MYRF: variants seen among roughly 807,000 people sequenced by gnomAD.
MYRF encodes the protein myelin regulatory factor, also known as myelin gene regulatory factor.
Under a neutral mutation model 126.3 loss-of-function variants are expected in MYRF, and 16 were observed. The ratio of observed to expected loss-of-function variants is 0.13; its 90% CI spans 0.09 to 0.19. The LOEUF is 0.19. Among genes scored for constraint, MYRF ranks in the 10% least tolerant of loss-of-function variants. The probability of loss-of-function intolerance (pLI) is 1.00; values close to 1 mark genes in which losing one functional copy is unlikely to be tolerated. For missense variants in MYRF, 1,104 were observed against 1,547.0 expected, an observed-to-expected ratio of 0.71 and a Z score of 4.80; for synonymous variants, 608 against 635.3, an observed-to-expected ratio of 0.96 and a Z score of 0.65.
chr11:61,753,893 C>G (rs1176565508), intron 1 of MYRF: 1 of 152,432 alleles, frequency 6.6e-6, no homozygotes, highest in Non-Finnish European at 1.5e-5. Flanking sequence ...TCCCAGCCCA[C>G]TCCGCTTCTC....
At chr11:61,758,509 G>T (rs956314194) in intron 1 of MYRF, among the ~76,000 whole-genome samples, 2 of 152,192 alleles carry the variant, frequency 1.3e-5, no homozygotes, top group African/African-American at 4.8e-5. Context: ...GGAAGAAGAG[G>T]AGGTGGGAGC....
Position 61,773,991 on chromosome 11 carries a change from T to C in MYRF, c.1140T>C (p.Asp380=), listed in dbSNP as rs779662644. The change falls in exon 8 of 27, where the codon GAT becomes GAC. Residue 380 remains aspartate (D), a synonymous_variant. Coordinates refer to ENST00000278836, the MANE Select transcript of MYRF (RefSeq NM_001127392.3). The part of the protein sequence containing the change: ...KELPMLTYRV[D]ADKGFNFSVG... Reference sequence around the variant, plus strand: ...GGCCCATGCTCACCTACCGCGTGGATGCGGACAAGGGCTTCAACTTTTCGG... The same window carrying C: ...GGCCCATGCTCACCTACCGCGTGGACGCGGACAAGGGCTTCAACTTTTCGG... 18 of 1,612,522 alleles carry C rather than the reference T, an allele frequency of 1.1e-5. No homozygotes were observed. The highest frequency in any genetic ancestry group is 1.4e-5 in the Non-Finnish European group (16 of 1,179,762).
intron 21 of MYRF, 101 bp from the exon 22 acceptor site, chr11:61,781,471 AG>A (rs2066545392): frequency 1.3e-6 from 2 of 1,543,166 alleles, no homozygotes; most frequent in Non-Finnish European, 1.7e-6. Context: ...GAGAGGACCA[AG>A]AGACACATGG....
intron 3 of MYRF, chr11:61,767,464 A>G: frequency 2.2e-6 from 1 of 456,296 alleles, no homozygotes; most frequent in South Asian, 1.5e-5. Context: ...AGAGCCACAC[A>G]GGGACTCTGT....
Position 61,752,766 on chromosome 11 carries a change from G to A in MYRF, c.22G>A (p.Glu8Lys). Residue 8 changes from glutamate (E) to lysine (K), a missense_variant, in exon 1 of 27, where the codon GAG becomes AAG. Glu to Lys is a moderately conservative substitution (Grantham distance 56, BLOSUM62 1). Coordinates refer to ENST00000278836, the MANE Select transcript of MYRF (RefSeq NM_001127392.3). MEVVDET[E>K]ALQRFFEGHD... ...GGACATGGAGGTGGTGGACGAGACGGAGGCGCTGCAGCGCTTCTTCGAAGG... is the reference window on the plus strand; with the variant it reads ...GGACATGGAGGTGGTGGACGAGACGAAGGCGCTGCAGCGCTTCTTCGAAGG... The A allele has an allele frequency of 6.7e-7, 1 of 1,485,220 alleles. No homozygotes were observed. Among genetic ancestry groups the A allele is most frequent in the Non-Finnish European group, 8.9e-7 (1 of 1,122,994 alleles). The allele number at this position is 1,485,220 out of a possible 1,614,324, so 92.0% of individuals were successfully genotyped here.
chr11:61,761,898 C>T (rs1281765242), intron 1 of MYRF, among the ~76,000 whole-genome samples: 1 of 152,212 alleles, frequency 6.6e-6, no homozygotes. Flanking sequence ...ACAGAGTGGC[C>T]ACTGGGCGAG....
intron 1 of MYRF, among the ~76,000 whole-genome samples, chr11:61,761,247 G>A (rs941652880): frequency 4.6e-5 from 6 of 129,066 alleles, no homozygotes; most frequent in Admixed American, 1.7e-4. Flanking sequence ...CTCAGCCAAC[G>A]GCCACAGCTG....
intron 1 of MYRF, among the ~76,000 whole-genome samples, chr11:61,756,234 G>A (rs371568457): frequency 1.3e-5 from 2 of 152,264 alleles, no homozygotes; most frequent in African/African-American, 4.8e-5. Flanking sequence ...TCAGAGAGAA[G>A]GGAGTTGGCC....
intron 22 of MYRF, chr11:61,782,065 A>T: frequency 2.1e-6 from 1 of 486,200 alleles, no homozygotes. Context: ...AAGAAATGGG[A>T]TGGAGACTAA....
intron 3 of MYRF, chr11:61,768,889 A>C: frequency 5.1e-6 from 1 of 197,104 alleles, no homozygotes. Flanking sequence ...CCAGCCCCCT[A>C]GGGCCCTGTG....
chr11:61,770,345 G>GCCCCCCCCCCCCCC lies in MYRF; in HGVS notation c.566_567insCCCCCCCCCCCCCC (p.Pro194ArgfsTer19). The GCCCCCCCCCCCCCC allele has an allele frequency of 2.7e-6, 4 of 1,504,826 alleles. No individual in the cohort carries two copies. The highest frequency in any genetic ancestry group is 2.5e-5 in the East Asian group (1 of 40,690). The allele number at this position is 1,504,826 out of a possible 1,614,324, so 93.2% of individuals were successfully genotyped here. ...CCCCCACCTCCAGCCCACTTGCCAG[G>GCCCCCCCCCCCCCC]CCCCCCGCCACCCCCACCACCCCCA... is the stretch of plus-strand genomic sequence containing the variant. On this transcript the variant is annotated frameshift_variant, in exon 5 of 27. Transcript: ENST00000278836. LOFTEE classifies it high-confidence loss of function.
intron 8 of MYRF, among the ~76,000 whole-genome samples, chr11:61,774,801 TTGCCTCCC>T (rs1591113213): frequency 1.3e-5 from 2 of 150,464 alleles, no homozygotes; most frequent in East Asian, 3.9e-4. Context: ...CTGTGCCTCC[TTGCCTCCC>T]TGCCTCCCTC....
At chr11:61,765,055 C>T (rs924556923) in intron 1 of MYRF, among the ~76,000 whole-genome samples, 2 of 152,218 alleles carry the variant, frequency 1.3e-5, no homozygotes, top group African/African-American at 4.8e-5. Flanking sequence ...CAGGAGACTC[C>T]CACAGCCCTG....
chr11:61,782,895 C>T (rs2066590843), intron 22 of MYRF: 2 of 152,552 alleles, frequency 1.3e-5, no homozygotes, highest in South Asian at 2.1e-4. Flanking sequence ...TGTTCAGCGG[C>T]CCCAGCTTCC....
chr11:61,783,999 C>A lies in MYRF; in HGVS notation c.3194+74C>A. On this transcript the variant is annotated intron_variant, in intron 24 of 26. Coordinates refer to ENST00000278836, the MANE Select transcript of MYRF (RefSeq NM_001127392.3). The surrounding 1 kb of genome is among the most constrained non-coding windows in gnomAD (Gnocchi z 4.6). ...ATCTCCCGCAGAGCCTCAGAACAGC[C>A]GAGTCTGAGGACAGCCGGAGAGTCT... 2 of 1,497,492 alleles carry A rather than the reference C, an allele frequency of 1.3e-6. No homozygotes were observed. Among genetic ancestry groups the A allele is most frequent in the Non-Finnish European group, 9.1e-7 (1 of 1,096,040 alleles). The allele number at this position is 1,497,492 out of a possible 1,614,324, so 92.8% of individuals were successfully genotyped here.
chr11:61,757,215 T>C lies in MYRF; in HGVS notation c.46+4425T>C, dbSNP rs1181612018. On this transcript the variant is annotated intron_variant, in intron 1 of 26. Coordinates refer to ENST00000278836, the MANE Select transcript of MYRF (RefSeq NM_001127392.3). This position sits in a 1 kb window ranked among gnomAD's most constrained non-coding sequence, Gnocchi z 4.7. ...AGCCCCGGCTGCCACGGGGTGTGGG[T>C]ACCTCTTGGTTGGGTCTCGGGGTAG... 1 of 456,744 alleles carries C rather than the reference T, an allele frequency of 2.2e-6. No individual in the cohort carries two copies. The highest frequency in any genetic ancestry group is 6.9e-5 in the East Asian group (1 of 14,524). The allele number at this position is 456,744 out of a possible 1,614,324, so 28.3% of individuals were successfully genotyped here.
At chr11:61,785,392 T>C (rs2066667112) in intron 25 of MYRF, 1 of 179,876 alleles carries the variant, frequency 5.6e-6, no homozygotes, top group Admixed American at 5.6e-5. Flanking sequence ...CTGTGTGATT[T>C]TGCCACACTG....
At chr11:61,755,437 C>T in intron 1 of MYRF, 4 of 1,610,528 alleles carry the variant, frequency 2.5e-6, no homozygotes, top group Non-Finnish European at 3.4e-6. Flanking sequence ...CACTGGCTTC[C>T]AGCAGGTAAC....
Position 61,771,647 on chromosome 11 carries a change from C to G in MYRF, c.888C>G (p.Pro296=). The G allele has an allele frequency of 6.2e-7, 1 of 1,613,974 alleles. No homozygotes were observed. Among genetic ancestry groups the G allele is most frequent in the South Asian group, 1.1e-5 (1 of 91,090 alleles). ...ACCCCACTCGAGCCCCATCGCCACC[C>G]TGGCCTCCCCAGGGTCCGCTCTCCC... ...PLHPTRAPSP[P]WPPQGPLSPG... is the part of the protein sequence containing the mutation. Residue 296 remains proline (P), a synonymous_variant, in exon 6 of 27, where the codon CCC becomes CCG. Transcript: ENST00000278836.
Sources: allele counts gnomAD v4.1 joint callset (sites outside exome capture counted in the v4.1 genomes callset), GRCh38; gene constraint gnomAD v4.1.1; non-coding constraint Gnocchi (gnomAD v3.1); transcripts MANE v1.5; gene names NCBI Gene and HGNC (gene_info 2026-07-23, HGNC 2026-07-21).